Variants in MRPL38 observed in about 807,000 individuals in gnomAD.
MRPL38 encodes mitochondrial ribosomal protein L38.
A neutral mutation model predicts 52.1 loss-of-function variants in MRPL38; 51 were observed. That is an observed-to-expected ratio of 0.98 (90% CI 0.78 to 1.24). The LOEUF is 1.24. MRPL38 is among the 50% of genes most tolerant of loss of function. The pLI is 0.00. For synonymous variants in MRPL38, 245 were observed against 212.7 expected (o/e 1.15, Z -1.32); for missense variants, 527 against 518.6 (o/e 1.02, Z -0.16).
chr17:75,899,026 T>C (rs2065391364), intron 8 of MRPL38, 40 bp from the exon 9 acceptor site: 1 of 1,553,782 alleles, frequency 6.4e-7, no homozygotes, highest in Non-Finnish European at 8.7e-7. Context: ...TCTGCTGGCC[T>C]GCGCCCCCTC....
chr17:75,901,093 T>C lies in MRPL38; in HGVS notation c.665-66A>G, dbSNP rs1599472998. The stretch of plus-strand genomic sequence containing the variant: ...ACGGCCCTGCCACCCCCTCCCTTGT[T>C]AGGAGCCAGCGCTGGAGATCTCCAC... On this transcript the variant is annotated intron_variant, in intron 5 of 8. Transcript: ENST00000309352. The surrounding 1 kb of genome is among the most constrained non-coding windows in gnomAD (Gnocchi z 5.7). 4.4e-6 allele frequency: 7 copies of C among 1,594,868 alleles called. No individual in the cohort carries two copies. The East Asian group carries it at 1.6e-4, about 36-fold the overall frequency.
chr17:75,902,027 G>C lies in MRPL38; in HGVS notation c.375C>G (p.Leu125=). Residue 125 remains leucine (L), a synonymous_variant, in exon 3 of 9, where the codon CTC becomes CTG. Coordinates refer to ENST00000309352, the MANE Select transcript of MRPL38 (RefSeq NM_032478.4). The stretch of plus-strand genomic sequence containing the variant: ...TCCCCTGAGAAGGCTTACCTGTGCG[G>C]AGGCGGGCAGCCCGCTCCTCTTCCA... The part of the protein sequence containing the change: ...ANVEEERAAR[L]RTASVPLDAV... 1 of 1,613,814 alleles carries C rather than the reference G, an allele frequency of 6.2e-7. No individual in the cohort carries two copies. The highest frequency in any genetic ancestry group is 8.5e-7 in the Non-Finnish European group (1 of 1,179,834).
intron 6 of MRPL38, 82 bp downstream of exon 6, chr17:75,900,900 A>G: frequency 6.5e-7 from 1 of 1,528,252 alleles, no homozygotes; most frequent in Non-Finnish European, 8.8e-7. Context: ...AGTCCATGAA[A>G]CTCAGGAGCA....
chr17:75,901,930 A>T lies in MRPL38; in HGVS notation c.383-10T>A, dbSNP rs776567467. On this transcript the variant is annotated splice_polypyrimidine_tract_variant and intron_variant, in intron 3 of 8. Coordinates refer to ENST00000309352, the MANE Select transcript of MRPL38 (RefSeq NM_032478.4). This position sits in a 1 kb window ranked among gnomAD's most constrained non-coding sequence, Gnocchi z 5.7. ...TCCAGCGGGACACTGGCTAGACAGG[A>T]ATAAGGCCAGTTGGGATACGGGGGT... The T allele has an allele frequency of 6.2e-7, 1 of 1,610,316 alleles. No individual in the cohort carries two copies. The highest frequency in any genetic ancestry group is 1.7e-5 in the Admixed American group (1 of 59,822).
Position 75,899,305 on chromosome 17 carries a change from A to G in MRPL38, c.870-11T>C, listed in dbSNP as rs142772607. The G allele has an allele frequency of 8.2e-4, 1,314 of 1,611,864 alleles. 12 individuals are homozygous for G. In the African/African-American group the frequency reaches 0.014, roughly 17 times the overall value. ...TGGGCCAGCTGATAGCTATGAGAAG[A>G]TAGAGAGCGTATGAGAGTGTGGAGT... On this transcript the variant is annotated splice_polypyrimidine_tract_variant and intron_variant, in intron 7 of 8. Transcript: ENST00000309352.
chr17:75,904,770 G>GCGGGGGGGGGGCCCC, intron 1 of MRPL38, 39 bp downstream of exon 1: 1 of 500,008 alleles, frequency 2.0e-6, no homozygotes, highest in Non-Finnish European at 2.8e-6. Flanking sequence ...TCGGGCGACA[G>GCGGGGGGGGGGCCCC]CCCCCCCCCC....
Position 75,901,407 on chromosome 17 carries a change from A to C in MRPL38, c.592-134T>G. The C allele has an allele frequency of 1.1e-6, 1 of 872,810 alleles. No homozygotes were observed. The highest frequency in any genetic ancestry group is 1.8e-6 in the Non-Finnish European group (1 of 546,414). The allele number at this position is 872,810 out of a possible 1,614,324, so 54.1% of individuals were successfully genotyped here. A position where few individuals can be genotyped will look rare whatever the true frequency, so the allele number is the denominator to read the frequency against. On this transcript the variant is annotated intron_variant, in intron 4 of 8. Coordinates refer to ENST00000309352, the MANE Select transcript of MRPL38 (RefSeq NM_032478.4). This position sits in a 1 kb window ranked among gnomAD's most constrained non-coding sequence, Gnocchi z 5.7. ...CTGGCACAGGCAGGCAGGCAAAGGG[A>C]TGCGTAGAGAAGCAGCCCTGCAGAG... is the stretch of plus-strand genomic sequence containing the variant.
chr17:75,902,262 T>G (rs1312638637), intron 2 of MRPL38, 108 bp from the exon 3 acceptor site: 1 of 1,263,598 alleles, frequency 7.9e-7, no homozygotes, highest in East Asian at 2.6e-5. Flanking sequence ...CACCATCTCA[T>G]CTGGCTAATT....
chr17:75,901,968 GACAC>G lies in MRPL38; in HGVS notation c.382+48_383-49del. 7.7e-7 allele frequency: 1 copy of G among 1,307,056 alleles called. No individual in the cohort carries two copies. The highest frequency in any genetic ancestry group is 1.5e-5 in the African/African-American group (1 of 68,456). 81.0% of individuals were successfully genotyped at this position (1,307,056 alleles called of 1,614,324 possible). A position where few individuals can be genotyped will look rare whatever the true frequency, so the allele number is the denominator to read the frequency against. ...GGGATACGGGGGTGGGGGGGGCAGGGACACACCCTGTACCCCAACTCTGGGATGG... is the reference window on the plus strand; with the variant it reads ...GGGATACGGGGGTGGGGGGGGCAGGGACCCTGTACCCCAACTCTGGGATGG... On this transcript the variant is annotated intron_variant, in intron 3 of 8. Coordinates refer to ENST00000309352, the MANE Select transcript of MRPL38 (RefSeq NM_032478.4). The surrounding 1 kb of genome is among the most constrained non-coding windows in gnomAD (Gnocchi z 5.7).
chr17:75,900,755 G>C, intron 6 of MRPL38: 1 of 1,333,062 alleles, frequency 7.5e-7, no homozygotes, highest in East Asian at 2.8e-5. Flanking sequence ...AAAAGATGAG[G>C]AGGCTTGTGG....
In MRPL38 at chr17:75,898,718, C is replaced by G; in HGVS notation, c.*132G>C. The G allele has an allele frequency of 9.3e-7, 1 of 1,075,164 alleles. No homozygotes were observed. The highest frequency in any genetic ancestry group is 2.6e-5 in the East Asian group (1 of 38,280). 66.6% of individuals were successfully genotyped at this position (1,075,164 alleles called of 1,614,324 possible). On this transcript the variant is annotated 3_prime_UTR_variant, in exon 9 of 9. Coordinates refer to ENST00000309352, the MANE Select transcript of MRPL38 (RefSeq NM_032478.4). ...GTCACTTTCACTCCAAGCCCTGGGC[C>G]TGACGGGAGGGGGCCAAAGAGGGGG...
intron 6 of MRPL38, chr17:75,900,344 C>G (rs1400869137): frequency 6.6e-6 from 1 of 152,364 alleles, no homozygotes. Context: ...TCTCCCGCTC[C>G]TTCTCCCACG....
At position 75,899,595 on chromosome 17, in the gene MRPL38, C is replaced by G. The variant is rs757308577; in HGVS notation, c.790G>C (p.Gly264Arg). The change falls in exon 7 of 9, where the codon GGC becomes CGC. Residue 264 changes from glycine to arginine, a missense_variant. By Grantham distance (125) the Gly-to-Arg change is moderately radical. Coordinates refer to ENST00000309352, the MANE Select transcript of MRPL38 (RefSeq NM_032478.4). ...YLPPFPARGSGIHRLAFLLFK... is the reference protein window; with the variant it reads ...YLPPFPARGSRIHRLAFLLFK... ...AGCAGGAAGGCAAGACGGTGGATGC[C>G]GGAGCCTCGGGCAGGGAAGGGGGGG... is the stretch of plus-strand genomic sequence containing the variant. The G allele has an allele frequency of 3.1e-6, 5 of 1,608,030 alleles. No homozygotes were observed.
In MRPL38 at chr17:75,898,890, C is replaced by G. The variant is rs777586165; in HGVS notation, c.1103G>C (p.Arg368Pro). The G allele has an allele frequency of 1.2e-6, 2 of 1,611,666 alleles. No homozygotes were observed. Among genetic ancestry groups the G allele is most frequent in the South Asian group, 2.2e-5 (2 of 90,946 alleles). The change falls in exon 9 of 9, where the codon CGG becomes CCG. Residue 368 changes from arginine to proline, a missense_variant. Physicochemically the swap from Arg to Pro is moderately radical, Grantham distance 103. Coordinates refer to ENST00000309352, the MANE Select transcript of MRPL38 (RefSeq NM_032478.4). ...GGTGGGCTCATGACTGTCCCTGTAC[C>G]GGTCCAGGTAGCGCAGGGGCTGCCG... is the stretch of plus-strand genomic sequence containing the variant. ...PHRQPLRYLD[R>P]YRDSHEPTYG...
At position 75,901,164 on chromosome 17, in the gene MRPL38, A is replaced by T. The variant is rs766923111; in HGVS notation, c.664+37T>A. On this transcript the variant is annotated intron_variant, in intron 5 of 8. Transcript: ENST00000309352. This position sits in a 1 kb window ranked among gnomAD's most constrained non-coding sequence, Gnocchi z 5.7. ...CCAGGGCCCTGGCTCATAGGAGGTG[A>T]GCGGGGCAGGAGGCCTGGTGAGCCC... 1.2e-6 allele frequency: 2 copies of T among 1,610,762 alleles called. No homozygotes were observed. The highest frequency in any genetic ancestry group is 3.3e-5 in the Admixed American group (2 of 59,774).
intron 2 of MRPL38, 93 bp from the exon 3 acceptor site, chr17:75,902,247 G>T: frequency 7.4e-7 from 1 of 1,350,106 alleles, no homozygotes; most frequent in Non-Finnish European, 1.0e-6. Context: ...GGGGCTACAA[G>T]TGTACACCAT....
chr17:75,904,759 C>T, intron 1 of MRPL38, 40 bp from the exon 2 acceptor site: 1 of 1,364,762 alleles, frequency 7.3e-7, no homozygotes, highest in Non-Finnish European at 9.7e-7. Context: ...CGCCCCACAG[C>T]TCGGGCGACA....
chr17:75,904,847 A>T lies in MRPL38; in HGVS notation c.29T>A (p.Leu10Gln). The T allele has an allele frequency of 6.9e-7, 1 of 1,445,500 alleles. No homozygotes were observed. 89.5% of individuals were successfully genotyped at this position (1,445,500 alleles called of 1,614,324 possible). A position where few individuals can be genotyped will look rare whatever the true frequency, so the allele number is the denominator to read the frequency against. Reference protein sequence around the residue: MAAPWWRAALCECRRWRGFS... With the variant: MAAPWWRAAQCECRRWRGFS... ...GCCCCGCCATCTCCGACACTCGCAC[A>T]GCGCGGCTCGCCACCAGGGCGCCGC... is the stretch of plus-strand genomic sequence containing the variant. The change falls in exon 1 of 9, where the codon CTG becomes CAG. Residue 10 changes from leucine (L) to glutamine (Q), a missense_variant. By Grantham distance (113) the Leu-to-Gln change is moderately radical (BLOSUM62 -2). Transcript: ENST00000309352.
chr17:75,902,554 G>C (rs991675525), intron 2 of MRPL38, among the ~76,000 whole-genome samples: 2 of 152,132 alleles, frequency 1.3e-5, no homozygotes, highest in Non-Finnish European at 2.9e-5. Context: ...GTGAGGGGGC[G>C]GGCACATCTT....
Sources: gnomAD v4.1 joint callset for allele counts (sites outside exome capture counted in the v4.1 genomes callset) on GRCh38, gnomAD v4.1.1 for gene constraint, Gnocchi (gnomAD v3.1) non-coding constraint, MANE v1.5 for transcripts, NCBI Gene and HGNC (gene_info 2026-07-23, HGNC 2026-07-21) for gene names.